Variants in COL17A1 observed in about 807,000 individuals in gnomAD.
COL17A1 encodes collagen type XVII alpha 1 chain, also known as collagen alpha-1(XVII) chain.
COL17A1 carries 181 observed loss-of-function variants against 218.4 expected under a neutral mutation model. The ratio of observed to expected loss-of-function variants is 0.83; its 90% CI spans 0.73 to 0.94. COL17A1 has a LOEUF of 0.94. COL17A1 is among the 40% of genes least tolerant of loss of function. The pLI is 0.00. For missense variants in COL17A1, 1,924 were observed against 1,945.9 expected (o/e 0.99, Z 0.21); for synonymous variants, 721 against 731.0 (o/e 0.99, Z 0.22).
chr10:104,065,362 C>G (rs541943583), intron 9 of COL17A1, among the ~76,000 whole-genome samples: 2 of 152,172 alleles, frequency 1.3e-5, no homozygotes, highest in South Asian at 4.1e-4. Flanking sequence ...TCCCTCACCT[C>G]CCTCCACGGC....
intron 20 of COL17A1, 100 bp from the exon 21 acceptor site, chr10:104,054,218 G>T: frequency 7.9e-7 from 1 of 1,262,906 alleles, no homozygotes; most frequent in Non-Finnish European, 1.1e-6. Flanking sequence ...GCCAAACTTA[G>T]GAAATAAAAA....
chr10:104,055,824 A>G lies in COL17A1; in HGVS notation c.1645T>C (p.Trp549Arg), dbSNP rs1236999859. Residue 549 changes from tryptophan to arginine, a missense_variant, in exon 18 of 56, where the codon TGG becomes CGG. Coordinates refer to ENST00000648076, the MANE Select transcript of COL17A1 (RefSeq NM_000494.4). Reference sequence around the variant, plus strand: ...ATTAGCTTCTTCCTCACGAACATCCAGAGCTCCTCCTGGCTGTCACTGTGC... The same window carrying G: ...ATTAGCTTCTTCCTCACGAACATCCGGAGCTCCTCCTGGCTGTCACTGTGC... The part of the protein sequence containing the change: ...GLHSDSQEEL[W>R]MFVRKKLMME... 1 of 1,614,200 alleles carries G rather than the reference A, an allele frequency of 6.2e-7. No homozygotes were observed. The highest frequency in any genetic ancestry group is 8.5e-7 in the Non-Finnish European group (1 of 1,180,038).
chr10:104,059,753 T>C, intron 14 of COL17A1, 35 bp from the exon 15 acceptor site: 1 of 1,598,612 alleles, frequency 6.3e-7, no homozygotes, highest in Non-Finnish European at 8.6e-7. Context: ...TGGCATATTC[T>C]CTTCTCAACC....
intron 17 of COL17A1, 83 bp from the exon 18 acceptor site, chr10:104,056,086 A>T: frequency 6.6e-7 from 1 of 1,525,914 alleles, no homozygotes; most frequent in Non-Finnish European, 9.1e-7. Context: ...AGAGCCTGAC[A>T]CAAGGGATTG....
rs1304632572 is a variant in COL17A1 at position 104,072,045 on chromosome 10, G to A, written c.450C>T (p.Ser150=). 3 of 1,613,930 alleles carry A rather than the reference G, an allele frequency of 1.9e-6. No homozygotes were observed. The change falls in exon 8 of 56, where the codon TCC becomes TCT. Residue 150 remains serine, a synonymous_variant. Coordinates refer to ENST00000648076, the MANE Select transcript of COL17A1 (RefSeq NM_000494.4). ...ATGACCACTTACATCGGGTGGATGG[G>A]GACGCACTCTGCAGTCGAACTCGAA... The part of the protein sequence containing the change: ...SEIRVRLQSA[S]PSTRWTELDD...
At chr10:104,053,215 A>T in intron 22 of COL17A1, 80 bp from the exon 23 acceptor site, 6 of 1,528,042 alleles carry the variant, frequency 3.9e-6, no homozygotes, top group Non-Finnish European at 5.4e-6. Context: ...CCCACGGCAG[A>T]CGCTTGCCTG....
intron 11 of COL17A1, among the ~76,000 whole-genome samples, chr10:104,062,601 G>C (rs988880408): frequency 1.3e-5 from 2 of 152,224 alleles, no homozygotes; most frequent in Admixed American, 6.5e-5. Context: ...TCTGACAGAT[G>C]TTGCTGACAG....
In COL17A1 at chr10:104,057,168, G is replaced by C. The variant is rs981306417; in HGVS notation, c.1272C>G (p.Ile424Met). 1 of 1,614,022 alleles carries C rather than the reference G, an allele frequency of 6.2e-7. No individual in the cohort carries two copies. The highest frequency in any genetic ancestry group is 8.5e-7 in the Non-Finnish European group (1 of 1,179,922). ...STKGKTTTAD[I>M]HSYGSSGGGG... is the part of the protein sequence containing the mutation. ...CACCACCACTGCTGCCGTAGCTGTGGATATCTGTGAAAGAGACAGGGAAAA... is the reference window on the plus strand; with the variant it reads ...CACCACCACTGCTGCCGTAGCTGTGCATATCTGTGAAAGAGACAGGGAAAA... The change falls in exon 17 of 56, where the codon ATC becomes ATG. Residue 424 changes from isoleucine to methionine, a missense_variant. Coordinates refer to ENST00000648076, the MANE Select transcript of COL17A1 (RefSeq NM_000494.4).
At chr10:104,083,684 G>A (rs143736799) in intron 1 of COL17A1, among the ~76,000 whole-genome samples, 31 of 152,278 alleles carry the variant, frequency 2.0e-4, no homozygotes, top group African/African-American at 6.7e-4. Context: ...ACAAACCACT[G>A]TTAGTGACAG....
At chr10:104,079,348 T>G (rs2134662185) in intron 2 of COL17A1, among the ~76,000 whole-genome samples, 1 of 152,194 alleles carries the variant, frequency 6.6e-6, no homozygotes, top group South Asian at 2.1e-4. Flanking sequence ...AGGTTTCCAG[T>G]GTGCTTGTAT....
At chr10:104,051,369 G>C in intron 25 of COL17A1, 112 bp downstream of exon 25, 7 of 1,358,186 alleles carry the variant, frequency 5.2e-6, no homozygotes, top group Non-Finnish European at 7.2e-6. Context: ...TATATCTCTA[G>C]GAGGCTTGCT....
At position 104,049,271 on chromosome 10, in the gene COL17A1, T is replaced by C. The variant is rs75602814; in HGVS notation, c.2227+138A>G. On this transcript the variant is annotated intron_variant, in intron 29 of 55. Coordinates refer to ENST00000648076, the MANE Select transcript of COL17A1 (RefSeq NM_000494.4). ...CAGAAAGGATGCCCAGACACAGAAA[T>C]GACTGGTCAAGGGAGACTCTACCAG... The C allele has an allele frequency of 4.8e-4, 375 of 784,452 alleles. 1 individual carries two copies. The African/African-American group carries it at 5.7e-3, about 12-fold the overall frequency. The allele number at this position is 784,452 out of a possible 1,614,324, so 48.6% of individuals were successfully genotyped here.
At chr10:104,040,080 G>T in intron 40 of COL17A1, 81 bp from the exon 41 acceptor site, 1 of 1,497,480 alleles carries the variant, frequency 6.7e-7, no homozygotes, top group Non-Finnish European at 9.3e-7. Context: ...GGAGGGGATA[G>T]GGGCTCCAAT....
chr10:104,055,358 A>G lies in COL17A1; in HGVS notation c.1717+14T>C, dbSNP rs17821926. The G allele has an allele frequency of 0.15, 243,087 of 1,613,480 alleles. 19,939 individuals carry two copies. The highest frequency in any genetic ancestry group is 0.19 in the Middle Eastern group (1,179 of 6,060). ...GGAAATGAATCAGAGACAAGGTTCA[A>G]TCCATGGCAATACCTTTAGGGCCAG... On this transcript the variant is annotated intron_variant, in intron 19 of 55. Coordinates refer to ENST00000648076, the MANE Select transcript of COL17A1 (RefSeq NM_000494.4).
rs771188543 is a variant in COL17A1 at position 104,035,525 on chromosome 10, GC to G, written c.3456del (p.Pro1154LeufsTer97). 11 of 1,614,030 alleles carry G rather than the reference GC, an allele frequency of 6.8e-6. No individual in the cohort carries two copies. Among genetic ancestry groups the G allele is most frequent in the Non-Finnish European group, 8.5e-6 (10 of 1,179,974 alleles). On this transcript the variant is annotated frameshift_variant, in exon 49 of 56. Coordinates refer to ENST00000648076, the MANE Select transcript of COL17A1 (RefSeq NM_000494.4). LOFTEE classifies it high-confidence loss of function. ...TAGGAGGTTCCCGGCAAGCCAGGGG[GC>G]CCCGGGGGACCAGGAAGCCCAATGC... is the stretch of plus-strand genomic sequence containing the variant. ...GISIGLPGPP[G>X]PPGLPGTSYE... is the part of the protein sequence containing the mutation.
At chr10:104,047,603 C>T in intron 31 of COL17A1, 136 bp downstream of exon 31, 1 of 761,334 alleles carries the variant, frequency 1.3e-6, no homozygotes, top group East Asian at 2.7e-5. Flanking sequence ...TGCACACACA[C>T]AACCATGCAC....
chr10:104,041,317 G>A lies in COL17A1; in HGVS notation c.2633C>T (p.Pro878Leu). 1 of 1,610,280 alleles carries A rather than the reference G, an allele frequency of 6.2e-7. No individual in the cohort carries two copies. Among genetic ancestry groups the A allele is most frequent in the East Asian group, 2.2e-5 (1 of 44,838 alleles). The change falls in exon 38 of 56, where the codon CCC (proline) becomes CTC (leucine). Residue 878 changes from proline (P) to leucine (L), a missense_variant. Coordinates refer to ENST00000648076, the MANE Select transcript of COL17A1 (RefSeq NM_000494.4). The part of the protein sequence containing the change: ...PGPSIPGPPG[P>L]RGPPGEGLPG... ...TCGGCTCTCACCTGGTGGGCCTCGG[G>A]GTCCTGGTGGGCCTGGAATGGAAGG...
At chr10:104,084,095 A>T (rs186038894) in intron 1 of COL17A1, among the ~76,000 whole-genome samples, 18 of 152,276 alleles carry the variant, frequency 1.2e-4, no homozygotes, top group African/African-American at 4.3e-4. Context: ...GCTGCTTGCT[A>T]CATTTGGTAT....
At chr10:104,081,974 C>A (rs768002923) in intron 1 of COL17A1, among the ~76,000 whole-genome samples, 1 of 152,108 alleles carries the variant, frequency 6.6e-6, no homozygotes, top group Non-Finnish European at 1.5e-5. Flanking sequence ...GTCTAGGGAC[C>A]GTGAAAGTCA....
Sources: gnomAD v4.1 joint callset for allele counts (sites outside exome capture counted in the v4.1 genomes callset) on GRCh38, gnomAD v4.1.1 for gene constraint, MANE v1.5 for transcripts, NCBI Gene and HGNC (gene_info 2026-07-23, HGNC 2026-07-21) for gene names.